Variants in PDGFD observed in about 807,000 individuals in gnomAD.
The protein encoded by PDGFD is platelet derived growth factor D.
In PDGFD, 30 loss-of-function variants were observed where a neutral mutation model predicts 44.7. The ratio of observed to expected loss-of-function variants is 0.67; its 90% CI spans 0.50 to 0.91. The LOEUF (loss-of-function observed/expected upper bound fraction) is 0.91. Among genes scored for constraint, PDGFD ranks in the 40% least tolerant of loss-of-function variants. The probability of loss-of-function intolerance (pLI) is 0.00; values close to 1 mark genes in which losing one functional copy is unlikely to be tolerated. For missense variants in PDGFD, 445 were observed against 457.8 expected (o/e 0.97, Z 0.25); for synonymous variants, 173 against 168.4 (o/e 1.03, Z -0.21).
At chr11:103,922,430 C>G (rs1232449615) in intron 6 of PDGFD, among the ~76,000 whole-genome samples, 2 of 152,092 alleles carry the variant, frequency 1.3e-5, no homozygotes. Flanking sequence ...CTGACCTTCC[C>G]CTCACCCTCC....
chr11:103,926,851 G>T (rs1483468042), intron 6 of PDGFD, 61 bp downstream of exon 6: 1 of 1,498,186 alleles, frequency 6.7e-7, no homozygotes, highest in Non-Finnish European at 9.1e-7. Context: ...GTATGCAATG[G>T]CCCTGTCTTC....
chr11:103,946,786 T>TTC (rs1469169794), intron 4 of PDGFD, among the ~76,000 whole-genome samples: 1 of 152,192 alleles, frequency 6.6e-6, no homozygotes, highest in Non-Finnish European at 1.5e-5. Flanking sequence ...TCAGATGAGG[T>TTC]TCTAGTCCAG....
At chr11:103,934,987 A>G (rs917696167) in intron 5 of PDGFD, among the ~76,000 whole-genome samples, 1 of 152,202 alleles carries the variant, frequency 6.6e-6, no homozygotes, top group African/African-American at 2.4e-5. Context: ...AAGGAAAACA[A>G]TCCCATAATA....
chr11:103,941,203 T>C (rs1207709938), intron 5 of PDGFD, among the ~76,000 whole-genome samples: 2 of 152,044 alleles, frequency 1.3e-5, no homozygotes, highest in Non-Finnish European at 2.9e-5. Flanking sequence ...AGTCAATGTA[T>C]CTGGGGTGGG....
intron 1 of PDGFD, among the ~76,000 whole-genome samples, chr11:104,075,623 T>A (rs532174458): frequency 1.3e-5 from 2 of 152,152 alleles, no homozygotes; most frequent in South Asian, 4.2e-4. Flanking sequence ...CCCCAAGTAG[T>A]TAGGACTACA....
chr11:104,085,764 T>C (rs1861120045), intron 1 of PDGFD, among the ~76,000 whole-genome samples: 2 of 152,184 alleles, frequency 1.3e-5, no homozygotes, highest in Non-Finnish European at 2.9e-5. Flanking sequence ...CATATCTCCT[T>C]CTGCATTCAA....
At chr11:104,009,092 G>C (rs1859744992) in intron 1 of PDGFD, among the ~76,000 whole-genome samples, 1 of 152,078 alleles carries the variant, frequency 6.6e-6, no homozygotes, top group Non-Finnish European at 1.5e-5. Flanking sequence ...TTTTGGAAGA[G>C]ATGCATTTAA....
chr11:103,982,650 C>T lies in PDGFD; in HGVS notation c.510+13415G>A, dbSNP rs527894339. Among the ~76,000 whole-genome samples, 16 of 151,714 alleles carry T rather than the reference C, an allele frequency of 1.1e-4. 1 individual carries two copies. The highest frequency in any genetic ancestry group is 3.2e-4 in the African/African-American group (13 of 41,156). ...TATCCCTGTTTGCAGATAACATGATCCTATATCTAGAAAACCCCATCATCT... is the reference window on the plus strand; with the variant it reads ...TATCCCTGTTTGCAGATAACATGATTCTATATCTAGAAAACCCCATCATCT... On this transcript the variant is annotated intron_variant, in intron 3 of 6. Transcript: ENST00000393158.
chr11:103,991,512 T>C (rs1859452894), intron 3 of PDGFD, among the ~76,000 whole-genome samples: 1 of 152,212 alleles, frequency 6.6e-6, no homozygotes, highest in Non-Finnish European at 1.5e-5. Flanking sequence ...TTAGAAAGTG[T>C]TATAATGGGT....
chr11:104,076,083 G>A (rs1385788165), intron 1 of PDGFD, among the ~76,000 whole-genome samples: 4 of 152,054 alleles, frequency 2.6e-5, no homozygotes, highest in African/African-American at 4.8e-5. Context: ...GAATTCTCAA[G>A]AGATCTGACA....
chr11:104,119,830 TA>T (rs1861742939), intron 1 of PDGFD, among the ~76,000 whole-genome samples: 1 of 116,154 alleles, frequency 8.6e-6, no homozygotes, highest in Non-Finnish European at 1.6e-5. Flanking sequence ...ATGTACTATA[TA>T]ATCAATTATT....
rs201864924 is a variant in PDGFD at position 104,144,507 on chromosome 11, C to CAAAAAAAAAAA, written c.124+19286_124+19296dup. Among the ~76,000 whole-genome samples the CAAAAAAAAAAA allele has an allele frequency of 3.0e-4, 22 of 73,798 alleles. 1 individual carries two copies. Among genetic ancestry groups the CAAAAAAAAAAA allele is most frequent in the African/African-American group, 1.3e-3 (20 of 15,832 alleles). 48.4% of individuals were successfully genotyped at this position (73,798 alleles called of 152,430 possible). A position where few individuals can be genotyped will look rare whatever the true frequency, so the allele number is the denominator to read the frequency against. On this transcript the variant is annotated intron_variant, in intron 1 of 6. Coordinates refer to ENST00000393158, the MANE Select transcript of PDGFD (RefSeq NM_025208.5). ...GGCAATAAGAGCAAAACTCCGTCACCAAAAAAAAAAAAAAAAAAAAACCCA... is the reference window on the plus strand; with the variant it reads ...GGCAATAAGAGCAAAACTCCGTCACCAAAAAAAAAAAAAAAAAAAAAAAAAAAAAAAACCCA...
chr11:104,022,523 T>C (rs1859976521), intron 1 of PDGFD, among the ~76,000 whole-genome samples: 3 of 152,024 alleles, frequency 2.0e-5, no homozygotes, highest in Admixed American at 2.0e-4. Flanking sequence ...CCCCTCCAAT[T>C]TCCTAAGGTC....
intron 1 of PDGFD, among the ~76,000 whole-genome samples, chr11:104,029,247 T>A (rs1860090181): frequency 6.6e-6 from 1 of 152,218 alleles, no homozygotes; most frequent in South Asian, 2.1e-4. Context: ...TAAGAAGGAA[T>A]TCTTCTATAC....
chr11:104,037,873 A>T, intron 1 of PDGFD: 1 of 1,614,216 alleles, frequency 6.2e-7, no homozygotes, highest in Non-Finnish European at 8.5e-7. Context: ...TGTGCTGGTC[A>T]TCGGCACCAC....
chr11:104,002,184 G>A (rs1859629986), intron 1 of PDGFD, among the ~76,000 whole-genome samples: 1 of 152,160 alleles, frequency 6.6e-6, no homozygotes, highest in Admixed American at 6.5e-5. Flanking sequence ...TATGCTTAAA[G>A]ATCAGCTGCG....
intron 1 of PDGFD, among the ~76,000 whole-genome samples, chr11:104,033,330 T>A (rs1860158314): frequency 6.6e-6 from 1 of 152,062 alleles, no homozygotes; most frequent in Admixed American, 6.6e-5. Context: ...GACTATGGAA[T>A]CCAAGGGATC....
intron 1 of PDGFD, among the ~76,000 whole-genome samples, chr11:104,151,413 TATA>T (rs1219406337): frequency 4.6e-5 from 7 of 152,186 alleles, no homozygotes; most frequent in Non-Finnish European, 8.8e-5. Flanking sequence ...AATTTATTGA[TATA>T]ATACAGAATA....
chr11:104,051,930 C>T (rs927757763), intron 1 of PDGFD, among the ~76,000 whole-genome samples: 3 of 152,142 alleles, frequency 2.0e-5, no homozygotes, highest in South Asian at 2.1e-4. Flanking sequence ...ACATTCACAA[C>T]GTTTTGCAAC....
Sources: allele counts gnomAD v4.1 joint callset (sites outside exome capture counted in the v4.1 genomes callset), GRCh38; gene constraint gnomAD v4.1.1; transcripts MANE v1.5; gene names NCBI Gene and HGNC (gene_info 2026-07-23, HGNC 2026-07-21).